Variants in GPC3 observed in about 807,000 individuals in gnomAD.
GPC3 encodes the protein glypican 3.
In GPC3, 3 loss-of-function variants were observed where a neutral mutation model predicts 34.4. The observed-to-expected ratio is 0.09, with a 90% CI of 0.04 to 0.23. The LOEUF (loss-of-function observed/expected upper bound fraction) is 0.23, where lower values mean the gene tolerates loss of function less well. GPC3 is among the 10% of genes least tolerant of loss of function. The pLI, the probability that GPC3 is intolerant of heterozygous loss-of-function variation, is 1.00. For synonymous variants in GPC3, 177 were observed against 174.0 expected (o/e 1.02, Z -0.13); for missense variants, 351 against 445.6 (o/e 0.79, Z 1.91).
intron 2 of GPC3, among the ~76,000 whole-genome samples, chrX:133,819,469 C>T (rs1047128855): frequency 9.1e-6 from 1 of 110,356 alleles, no homozygotes; most frequent in Non-Finnish European, 1.9e-5. Context: ...TCAAGAATAG[C>T]TTGAATCTTG....
At chrX:133,824,600 T>G (rs1218540551) in intron 2 of GPC3, among the ~76,000 whole-genome samples, 2 of 111,911 alleles carry the variant, frequency 1.8e-5, no homozygotes, top group Non-Finnish European at 3.8e-5. Flanking sequence ...TTGAATGTTC[T>G]TACCACAAAG....
At chrX:133,715,624 CT>C (rs78696538) in intron 3 of GPC3, among the ~76,000 whole-genome samples, 24,627 of 110,132 alleles carry the variant, frequency 0.22, 3,014 homozygotes, top group East Asian at 0.5. Flanking sequence ...GTGCAAAAGC[CT>C]TTTCCCTGGA....
chrX:133,775,678 A>G (rs1343503136), intron 2 of GPC3, among the ~76,000 whole-genome samples: 2 of 111,844 alleles, frequency 1.8e-5, no homozygotes, highest in Non-Finnish European at 3.8e-5. Flanking sequence ...AGGAAATTAC[A>G]GGATTGGACA....
intron 6 of GPC3, among the ~76,000 whole-genome samples, chrX:133,621,735 G>A: frequency 8.9e-6 from 1 of 112,561 alleles, no homozygotes; most frequent in Non-Finnish European, 1.9e-5. Flanking sequence ...GCAGGGCATA[G>A]CTGAACAAAA....
chrX:133,944,042 A>C (rs990518140), intron 2 of GPC3, among the ~76,000 whole-genome samples: 4 of 111,125 alleles, frequency 3.6e-5, no homozygotes, highest in African/African-American at 1.3e-4. Context: ...TTAGAAATCT[A>C]TTTCTATCAA....
At chrX:133,865,046 T>A (rs1054834166) in intron 2 of GPC3, among the ~76,000 whole-genome samples, 1 of 112,541 alleles carries the variant, frequency 8.9e-6, no homozygotes, top group African/African-American at 3.2e-5. Flanking sequence ...TCTTTTTTTT[T>A]AATTTAGCAT....
intron 7 of GPC3, among the ~76,000 whole-genome samples, chrX:133,540,451 A>G (rs1347816708): frequency 8.9e-6 from 1 of 112,432 alleles, no homozygotes; most frequent in African/African-American, 3.2e-5. Flanking sequence ...GTAACTCAGG[A>G]ATGGAAAACC....
At chrX:133,723,642 G>C (rs1410542826) in intron 3 of GPC3, among the ~76,000 whole-genome samples, 2 of 110,662 alleles carry the variant, frequency 1.8e-5, no homozygotes, top group Non-Finnish European at 3.8e-5. Context: ...GCAAGATCTC[G>C]TTGTTTAAAA....
At chrX:133,925,123 A>G (rs1413235671) in intron 2 of GPC3, among the ~76,000 whole-genome samples, 1 of 107,870 alleles carries the variant, frequency 9.3e-6, no homozygotes, top group African/African-American at 3.4e-5. Context: ...AATCCCCAAC[A>G]GGATTTTAGA....
At chrX:133,674,456 G>A (rs1205669164) in intron 5 of GPC3, among the ~76,000 whole-genome samples, 1 of 111,241 alleles carries the variant, frequency 9.0e-6, no homozygotes, top group Non-Finnish European at 1.9e-5. Context: ...CTTTGCCATC[G>A]CGATTGAGCA....
chrX:133,979,863 G>A (rs942701086), intron 1 of GPC3, among the ~76,000 whole-genome samples: 3 of 111,501 alleles, frequency 2.7e-5, no homozygotes, highest in African/African-American at 9.8e-5. Flanking sequence ...CCCTTAGATC[G>A]CAGATTACCA....
chrX:133,655,506 C>CCCA (rs2070652341), intron 6 of GPC3, among the ~76,000 whole-genome samples: 11 of 94,723 alleles, frequency 1.2e-4, no homozygotes, highest in African/African-American at 4.4e-4. Flanking sequence ...ACACACACAC[C>CCCA]CACACACACA....
Position 133,661,751 on chromosome X carries a change from G to A in GPC3, c.1392C>T (p.Asp464=). The change falls in exon 6 of 8, where the codon GAC becomes GAT. Residue 464 remains aspartate, a synonymous_variant. Transcript: ENST00000370818. ...ATACCTGGTTAATGTGCTTCAGTTT[G>A]TCAATAATTTGACTGACCACTGGCT... ...GPEPVVSQII[D]KLKHINQLLR... 1 of 1,178,670 alleles carries A rather than the reference G, an allele frequency of 8.5e-7. No homozygotes were observed. Among genetic ancestry groups the A allele is most frequent in the South Asian group, 1.8e-5 (1 of 56,072 alleles).
chrX:133,844,605 C>G (rs945423322), intron 2 of GPC3, among the ~76,000 whole-genome samples: 3 of 110,988 alleles, frequency 2.7e-5, no homozygotes, highest in South Asian at 7.7e-4. Flanking sequence ...ATTTTGCTTT[C>G]CAGAAAAAAA....
chrX:133,622,945 A>T (rs1281294875), intron 6 of GPC3, among the ~76,000 whole-genome samples: 4 of 112,431 alleles, frequency 3.6e-5, no homozygotes, highest in Non-Finnish European at 7.5e-5. Flanking sequence ...AGCCCATCAG[A>T]CTAACAGCTG....
At chrX:133,761,811 C>A in intron 2 of GPC3, among the ~76,000 whole-genome samples, 1 of 111,681 alleles carries the variant, frequency 9.0e-6, no homozygotes, top group Non-Finnish European at 1.9e-5. Flanking sequence ...TTTATTTTAA[C>A]CTTCTGGACA....
chrX:133,676,872 C>A (rs1305649136), intron 5 of GPC3, among the ~76,000 whole-genome samples: 1 of 111,172 alleles, frequency 9.0e-6, no homozygotes. Flanking sequence ...GAAATTGTCT[C>A]TCTCCCTCTG....
At chrX:133,661,951 A>C in intron 5 of GPC3, 101 bp from the exon 6 acceptor site, 1,764 of 963,810 alleles carry the variant, frequency 1.8e-3, no homozygotes, top group Non-Finnish European at 2.4e-3. Flanking sequence ...CCACAAGCTC[A>C]TGAGACGACC....
intron 2 of GPC3, among the ~76,000 whole-genome samples, chrX:133,769,833 A>G (rs2071894584): frequency 1.8e-5 from 2 of 112,240 alleles, no homozygotes; most frequent in African/African-American, 6.5e-5. Context: ...TAAAAGGGAC[A>G]TTATATATAA....
Sources: gnomAD v4.1 joint callset for allele counts (sites outside exome capture counted in the v4.1 genomes callset) on GRCh38, gnomAD v4.1.1 for gene constraint, MANE v1.5 for transcripts, NCBI Gene and HGNC (gene_info 2026-07-23, HGNC 2026-07-21) for gene names.